Variants in CMTR1 observed in about 807,000 individuals in gnomAD.
The protein encoded by CMTR1 is cap methyltransferase 1.
Under a neutral mutation model 107.0 loss-of-function variants are expected in CMTR1, and 39 were observed. That is an observed-to-expected ratio of 0.36 (90% confidence interval 0.28 to 0.48). CMTR1 has a LOEUF of 0.48. Ranked by LOEUF, CMTR1 falls within the 20% of genes least tolerant of loss-of-function variation. The probability of loss-of-function intolerance (pLI) is 0.99; values close to 1 mark genes in which losing one functional copy is unlikely to be tolerated. For missense variants in CMTR1, 672 were observed against 1,064.9 expected (o/e 0.63, Z 5.14); for synonymous variants, 366 against 379.5 (o/e 0.96, Z 0.41).
At chr6:37,441,102 G>C (rs1403724571) in intron 2 of CMTR1, among the ~76,000 whole-genome samples, 1 of 152,182 alleles carries the variant, frequency 6.6e-6, no homozygotes, top group Non-Finnish European at 1.5e-5. Flanking sequence ...TGCTTAGGGA[G>C]CTGCCCACAT....
chr6:37,431,536 A>G (rs966231231), upstream of CMTR1, among the ~76,000 whole-genome samples: 1 of 151,660 alleles, frequency 6.6e-6, no homozygotes, highest in Non-Finnish European at 1.5e-5. Flanking sequence ...TAATACAGAC[A>G]GACAATCTTT....
At chr6:37,453,821 G>C (rs531528012) in intron 8 of CMTR1, among the ~76,000 whole-genome samples, 21 of 152,218 alleles carry the variant, frequency 1.4e-4, no homozygotes, top group African/African-American at 4.8e-4. Flanking sequence ...CCTTCTTTGG[G>C]CCTCAGCTCC....
At chr6:37,448,238 A>G (rs1771849662) in intron 4 of CMTR1, among the ~76,000 whole-genome samples, 1 of 148,214 alleles carries the variant, frequency 6.7e-6, no homozygotes, top group African/African-American at 2.5e-5. Flanking sequence ...AAAGAGGTCA[A>G]GTGTCAGTTG....
intron 20 of CMTR1, among the ~76,000 whole-genome samples, chr6:37,476,969 T>C (rs1209590198): frequency 6.6e-6 from 1 of 152,254 alleles, no homozygotes; most frequent in Non-Finnish European, 1.5e-5. Context: ...TGCTAGGTCC[T>C]GAAAGACAGC....
chr6:37,450,420 TACAC>T, intron 5 of CMTR1, 77 bp downstream of exon 5: 1 of 1,072,010 alleles, frequency 9.3e-7, no homozygotes, highest in Non-Finnish European at 1.4e-6. Flanking sequence ...GGTATTTACA[TACAC>T]TTGCAGTTTA....
At chr6:37,426,429 TG>T in the CMTR1 span, among the ~76,000 whole-genome samples, 12 of 152,266 alleles carry the variant, frequency 7.9e-5, no homozygotes, top group African/African-American at 2.6e-4. Flanking sequence ...CCCCAGGACT[TG>T]CTGTTTTTTG....
chr6:37,464,650 G>T (rs1761468708), intron 13 of CMTR1, among the ~76,000 whole-genome samples: 1 of 152,020 alleles, frequency 6.6e-6, no homozygotes, highest in Non-Finnish European at 1.5e-5. Flanking sequence ...TATTATGTTA[G>T]TTGGTTTCTT....
At chr6:37,451,394 G>A (rs1761169122) in intron 5 of CMTR1, among the ~76,000 whole-genome samples, 1 of 152,184 alleles carries the variant, frequency 6.6e-6, no homozygotes, top group African/African-American at 2.4e-5. Context: ...CCAGGTCAGT[G>A]CCTGGTATCA....
At chr6:37,470,916 C>A in intron 13 of CMTR1, 105 bp from the exon 14 acceptor site, 1 of 863,876 alleles carries the variant, frequency 1.2e-6, no homozygotes. Context: ...CCAGCTCCTT[C>A]ACCAAATATA....
chr6:37,455,082 T>C, intron 8 of CMTR1, among the ~76,000 whole-genome samples: 1 of 109,008 alleles, frequency 9.2e-6, no homozygotes, highest in African/African-American at 4.1e-5. Context: ...GAGAGCAGAC[T>C]GAAGTTTTTT....
chr6:37,450,722 A>T (rs1198219853), intron 5 of CMTR1, among the ~76,000 whole-genome samples: 2 of 152,194 alleles, frequency 1.3e-5, no homozygotes, highest in Non-Finnish European at 2.9e-5. Flanking sequence ...GAATTTGTTT[A>T]ATCTTCTTCT....
the CMTR1 span, among the ~76,000 whole-genome samples, chr6:37,427,862 GTTGACTGTTCTTT>G: frequency 1.3e-5 from 2 of 152,092 alleles, no homozygotes; most frequent in Non-Finnish European, 2.9e-5. The surrounding 1 kb of genome is among the most constrained non-coding windows in gnomAD (Gnocchi z 4.4). Context: ...AGAATTCCAC[GTTGACTGTTCTTT>G]TCTTTCTGGA....
At chr6:37,452,996 G>A (rs1444995434) in intron 6 of CMTR1, 51 bp from the exon 7 acceptor site, 1 of 1,553,196 alleles carries the variant, frequency 6.4e-7, no homozygotes, top group Non-Finnish European at 8.9e-7. Context: ...AGGGTCTTAA[G>A]GTCCCTTTCC....
intron 4 of CMTR1, 41 bp downstream of exon 4, chr6:37,446,490 G>GT: frequency 6.3e-7 from 1 of 1,583,170 alleles, no homozygotes; most frequent in East Asian, 2.2e-5. Context: ...AGCCACTTGT[G>GT]TTTTTGGATG....
intron 2 of CMTR1, among the ~76,000 whole-genome samples, chr6:37,440,855 C>T (rs748388199): frequency 2.6e-5 from 4 of 152,220 alleles, no homozygotes; most frequent in Non-Finnish European, 5.9e-5. Flanking sequence ...GTTATTTGTA[C>T]TATCTCCGTG....
In CMTR1 at chr6:37,472,691, G is replaced by A. The variant is rs148558501; in HGVS notation, c.1689+204G>A. Among the ~76,000 whole-genome samples the A allele has an allele frequency of 0.012, 1,784 of 152,306 alleles. 17 individuals are homozygous for A. Among genetic ancestry groups the A allele is most frequent in the Middle Eastern group, 0.017 (5 of 294 alleles). Reference sequence around the variant, plus strand: ...TCCCCAAGAGCACAGTCAGGCCAACGGAAGATTCTCATGTTCAGTGCTTGG... The same window carrying A: ...TCCCCAAGAGCACAGTCAGGCCAACAGAAGATTCTCATGTTCAGTGCTTGG... On this transcript the variant is annotated intron_variant, in intron 16 of 23. Transcript: ENST00000373451. This position sits in a 1 kb window ranked among gnomAD's most constrained non-coding sequence, Gnocchi z 4.1.
chr6:37,480,151 T>C lies in CMTR1; in HGVS notation c.*6T>C. ...TCCAGATGCACAGGGCCTAAGAGCC[T>C]CAGAATGTGCCACCCCTGCAGAATG... On this transcript the variant is annotated 3_prime_UTR_variant, in exon 24 of 24. Coordinates refer to ENST00000373451, the MANE Select transcript of CMTR1 (RefSeq NM_015050.3). 1 of 1,597,386 alleles carries C rather than the reference T, an allele frequency of 6.3e-7. No homozygotes were observed. Among genetic ancestry groups the C allele is most frequent in the Non-Finnish European group, 8.5e-7 (1 of 1,172,404 alleles).
intron 5 of CMTR1, among the ~76,000 whole-genome samples, 166 bp downstream of exon 5, chr6:37,450,509 A>G (rs576673170): frequency 6.6e-6 from 1 of 152,338 alleles, no homozygotes; most frequent in South Asian, 2.1e-4. Flanking sequence ...GAGCTTTACA[A>G]GTATGCCCCT....
intron 13 of CMTR1, among the ~76,000 whole-genome samples, chr6:37,467,019 A>T (rs1761525157): frequency 6.6e-6 from 1 of 152,020 alleles, no homozygotes; most frequent in African/African-American, 2.4e-5. Context: ...AACGTACAAA[A>T]ATTAGCTGGG....
Sources: allele counts gnomAD v4.1 joint callset (sites outside exome capture counted in the v4.1 genomes callset), GRCh38; gene constraint gnomAD v4.1.1; non-coding constraint Gnocchi (gnomAD v3.1); transcripts MANE v1.5; gene names NCBI Gene and HGNC (gene_info 2026-07-23, HGNC 2026-07-21).